KLF12: variants seen among roughly 807,000 people sequenced by gnomAD.
KLF12 encodes KLF transcription factor 12.
Under a neutral mutation model 37.8 loss-of-function variants are expected in KLF12, and 9 were observed. The observed-to-expected ratio is 0.24, with a 90% CI of 0.14 to 0.42. The LOEUF is 0.42. Ranked by LOEUF, KLF12 falls within the 10% of genes least tolerant of loss-of-function variation. The pLI is 1.00. For synonymous variants in KLF12, 208 were observed against 202.1 expected (o/e 1.03, Z -0.25); for missense variants, 411 against 516.0 (o/e 0.80, Z 1.97).
the KLF12 span, among the ~76,000 whole-genome samples, chr13:74,178,401 C>T: frequency 5.3e-5 from 8 of 152,152 alleles, no homozygotes; most frequent in Non-Finnish European, 1.0e-4. Flanking sequence ...AAATGGTTCT[C>T]TTCAAGGGAA....
At chr13:73,914,924 C>T (rs1029118111) in intron 3 of KLF12, among the ~76,000 whole-genome samples, 1 of 151,984 alleles carries the variant, frequency 6.6e-6, no homozygotes, top group Non-Finnish European at 1.5e-5. Flanking sequence ...TTTCCTAATG[C>T]TTATATAACA....
At chr13:74,057,131 C>T (rs531386185) in intron 1 of KLF12, among the ~76,000 whole-genome samples, 2 of 152,302 alleles carry the variant, frequency 1.3e-5, no homozygotes, top group South Asian at 2.1e-4. Context: ...GTCTAATATT[C>T]GATTTCAGGC....
intron 1 of KLF12, among the ~76,000 whole-genome samples, chr13:74,036,129 G>A (rs1416490364): frequency 6.6e-6 from 1 of 152,056 alleles, no homozygotes; most frequent in Non-Finnish European, 1.5e-5. Flanking sequence ...TGAACCATCT[G>A]ACACCACCCA....
chr13:73,777,547 A>G (rs1390376969), intron 5 of KLF12, among the ~76,000 whole-genome samples: 1 of 152,042 alleles, frequency 6.6e-6, no homozygotes, highest in African/African-American at 2.4e-5. Context: ...TGTCTCTACT[A>G]AAAATACAAA....
chr13:73,735,178 T>C (rs1248437049), intron 6 of KLF12, among the ~76,000 whole-genome samples: 1 of 145,754 alleles, frequency 6.9e-6, no homozygotes, highest in Non-Finnish European at 1.5e-5. Flanking sequence ...ATGCCTGTGG[T>C]CCCAGTAACT....
At chr13:73,859,952 T>A (rs567539599) in intron 3 of KLF12, among the ~76,000 whole-genome samples, 11 of 152,254 alleles carry the variant, frequency 7.2e-5, no homozygotes, top group Admixed American at 4.6e-4. Context: ...TAACTTTTTT[T>A]AAAAAAAGTT....
chr13:74,181,964 C>T, the KLF12 span, among the ~76,000 whole-genome samples: 1 of 152,138 alleles, frequency 6.6e-6, no homozygotes, highest in Non-Finnish European at 1.5e-5. Context: ...ATGCCTAACA[C>T]ACATATATAG....
intron 3 of KLF12, among the ~76,000 whole-genome samples, chr13:73,896,577 G>T (rs1887781072): frequency 6.6e-6 from 1 of 152,162 alleles, no homozygotes. Flanking sequence ...CATTAGAGCA[G>T]CATAGTGAGG....
intron 4 of KLF12, among the ~76,000 whole-genome samples, chr13:73,826,086 C>T (rs1372780369): frequency 6.6e-6 from 1 of 152,066 alleles, no homozygotes; most frequent in African/African-American, 2.4e-5. Flanking sequence ...TATTCTCCTG[C>T]CTCATCCTCC....
In KLF12 at chr13:73,813,260, G is replaced by A; in HGVS notation, c.698C>T (p.Pro233Leu). 6.2e-7 allele frequency: 1 copy of A among 1,613,948 alleles called. No homozygotes were observed. Among genetic ancestry groups the A allele is most frequent in the Non-Finnish European group, 8.5e-7 (1 of 1,179,938 alleles). ...ATCACTGTCACTTTTACTTTGTCTG[G>A]GAGATAGGCCTCGGGGGTCCATTTG... is the stretch of plus-strand genomic sequence containing the variant. Residue 233 changes from proline to leucine, a missense_variant, in exon 5 of 8, where the codon CCC becomes CTC. By Grantham distance (98) the Pro-to-Leu change is moderately conservative. Around this residue, in one of 2 missense-constraint regions of KLF12, gnomAD observed 351 missense variants for 397.8 expected, o/e 0.88. Coordinates refer to ENST00000377669, the MANE Select transcript of KLF12 (RefSeq NM_007249.5).
At chr13:73,918,882 T>C (rs1888980156) in intron 3 of KLF12, among the ~76,000 whole-genome samples, 1 of 152,214 alleles carries the variant, frequency 6.6e-6, no homozygotes, top group Non-Finnish European at 1.5e-5. Context: ...TCTTAATTCC[T>C]GTTTTGAGTT....
rs1418891765 is a variant in KLF12 at position 73,701,752 on chromosome 13, T to C, written c.1028-6081A>G. Among the ~76,000 whole-genome samples, 3 of 152,260 alleles carry C rather than the reference T, an allele frequency of 2.0e-5. No homozygotes were observed. In the East Asian group the frequency reaches 5.8e-4, roughly 29 times the overall value. ...TGATACCATGCCAGTGCTTGGTGTA[T>C]AGCTTATTAACTTCTAGGTCTTCAA... On this transcript the variant is annotated intron_variant, in intron 7 of 7. Transcript: ENST00000377669.
chr13:73,751,889 G>A (rs1202191678), intron 6 of KLF12, among the ~76,000 whole-genome samples: 3 of 152,198 alleles, frequency 2.0e-5, no homozygotes, highest in African/African-American at 7.2e-5. Flanking sequence ...CACGTGGGGT[G>A]AAGAAATTGG....
intron 7 of KLF12, among the ~76,000 whole-genome samples, chr13:73,697,170 G>A (rs1002846470): frequency 6.6e-6 from 1 of 152,044 alleles, no homozygotes; most frequent in Non-Finnish European, 1.5e-5. Context: ...AATGAGATGT[G>A]CAGGTAATGC....
the KLF12 span, among the ~76,000 whole-genome samples, chr13:74,186,024 T>G: frequency 2.2e-4 from 34 of 152,318 alleles, no homozygotes; most frequent in African/African-American, 7.7e-4. Flanking sequence ...TGTTATTAGC[T>G]ATGACTAATG....
At position 73,846,309 on chromosome 13, in the gene KLF12, C is replaced by G. The variant is rs780677974; in HGVS notation, c.188G>C (p.Gly63Ala). The G allele has an allele frequency of 6.2e-7, 1 of 1,613,912 alleles. No homozygotes were observed. Residue 63 changes from glycine to alanine, a missense_variant, in exon 4 of 8, where the codon GGG becomes GCG. By Grantham distance (60) the Gly-to-Ala change is moderately conservative. Around this residue, in one of 2 missense-constraint regions of KLF12, gnomAD observed 351 missense variants for 397.8 expected, o/e 0.88. Coordinates refer to ENST00000377669, the MANE Select transcript of KLF12 (RefSeq NM_007249.5). ...AGATAACGAGTCCTCCGGGGGCTCC[C>G]CTTTCACATTATTTAGCAACAGGGG...
intron 2 of KLF12, among the ~76,000 whole-genome samples, chr13:73,979,414 G>C (rs576807030): frequency 1.4e-5 from 2 of 147,514 alleles, no homozygotes; most frequent in South Asian, 4.2e-4. Flanking sequence ...ATGGAATACA[G>C]CTAATGCTGT....
At chr13:73,947,332 A>C (rs1890470515) in intron 2 of KLF12, among the ~76,000 whole-genome samples, 1 of 152,154 alleles carries the variant, frequency 6.6e-6, no homozygotes, top group South Asian at 2.1e-4. Context: ...GAGAAGGATA[A>C]TCTTGATATC....
At chr13:74,110,731 C>T (rs1346008663) in intron 1 of KLF12, among the ~76,000 whole-genome samples, 2 of 151,972 alleles carry the variant, frequency 1.3e-5, no homozygotes, top group Non-Finnish European at 2.9e-5. Flanking sequence ...TTACTTGGGA[C>T]CCTGTTCTCA....
Sources: gnomAD v4.1 joint callset for allele counts (sites outside exome capture counted in the v4.1 genomes callset) on GRCh38, gnomAD v4.1.1 for gene constraint, gnomAD v4.1.1 regional missense constraint, MANE v1.5 for transcripts, NCBI Gene and HGNC (gene_info 2026-07-23, HGNC 2026-07-21) for gene names.